The following LIMK1 variants were observed in gnomAD, a reference collection of about 807,000 sequenced individuals.
LIMK1 encodes LIM motif-containing protein kinase.
In LIMK1, 21 loss-of-function variants were observed where a neutral mutation model predicts 77.6. The observed-to-expected ratio is 0.27, with a 90% CI of 0.19 to 0.39. The LOEUF is 0.39. Among genes scored for constraint, LIMK1 ranks in the 10% least tolerant of loss-of-function variants. LIMK1 has a pLI of 1.00. For synonymous variants in LIMK1, 358 were observed against 370.0 expected (o/e 0.97, Z 0.37); for missense variants, 696 against 901.6 (o/e 0.77, Z 2.92).
chr7:74,101,546 C>G (rs1411135182), intron 5 of LIMK1, among the ~76,000 whole-genome samples: 4 of 152,244 alleles, frequency 2.6e-5, no homozygotes, highest in African/African-American at 9.6e-5. Context: ...ACGTCTCCTC[C>G]CTGTCTGCCT....
chr7:74,088,835 G>A (rs900835888), intron 2 of LIMK1, among the ~76,000 whole-genome samples: 8 of 151,320 alleles, frequency 5.3e-5, no homozygotes, highest in East Asian at 2.0e-4. Context: ...GAAGGGAGTC[G>A]GCAGAAAGCC....
intron 9 of LIMK1, 78 bp from the exon 10 acceptor site, chr7:74,108,827 G>T: frequency 1.1e-5 from 17 of 1,557,530 alleles, no homozygotes; most frequent in Non-Finnish European, 1.5e-5. Context: ...CCCCTGGTGG[G>T]ATGGAAAAGG....
intron 12 of LIMK1, among the ~76,000 whole-genome samples, chr7:74,114,111 G>A (rs1045307776): frequency 3.3e-5 from 5 of 152,110 alleles, no homozygotes; most frequent in East Asian, 3.9e-4. Flanking sequence ...TTAGCTGGGC[G>A]TGGTGGTGGG....
intron 7 of LIMK1, among the ~76,000 whole-genome samples, 181 bp from the exon 8 acceptor site, chr7:74,106,829 G>C (rs1426915173): frequency 6.6e-6 from 1 of 152,222 alleles, no homozygotes. Flanking sequence ...CTAGAGCCAG[G>C]ATAGGCCGAG....
chr7:74,107,001 G>A lies in LIMK1; in HGVS notation c.882-9G>A, dbSNP rs555461459. ...CCCGGTGGCACTTGGCACCATGTGT[G>A]CCCCCCAGGAGGAGCTGCAGCATCG... On this transcript the variant is annotated splice_polypyrimidine_tract_variant and intron_variant, in intron 7 of 15. Coordinates refer to ENST00000336180, the MANE Select transcript of LIMK1 (RefSeq NM_002314.4). 44 of 1,566,382 alleles carry A rather than the reference G, an allele frequency of 2.8e-5. No homozygotes were observed. In the South Asian group the frequency reaches 5.0e-4, roughly 18 times the overall value.
chr7:74,109,382 G>GC, intron 10 of LIMK1: 1 of 280,782 alleles, frequency 3.6e-6, no homozygotes, highest in South Asian at 3.8e-5. Context: ...AAAATTCAGA[G>GC]CTTTCCTTAA....
intron 2 of LIMK1, among the ~76,000 whole-genome samples, chr7:74,096,414 T>C (rs1374093478): frequency 6.6e-6 from 1 of 151,912 alleles, no homozygotes; most frequent in Non-Finnish European, 1.5e-5. Context: ...GGCAGGAGGA[T>C]CACTTGAACC....
At chr7:74,100,505 C>T (rs2115678277) in intron 5 of LIMK1, among the ~76,000 whole-genome samples, 1 of 152,156 alleles carries the variant, frequency 6.6e-6, no homozygotes. Flanking sequence ...TCACTGCAAC[C>T]TCCACCCACA....
chr7:74,093,054 C>A, intron 2 of LIMK1: 1 of 1,246,746 alleles, frequency 8.0e-7, no homozygotes, highest in Non-Finnish European at 1.1e-6. Context: ...GGTGCTTCAG[C>A]CACTTCCTGT....
At chr7:74,100,980 G>A (rs889132984) in intron 5 of LIMK1, among the ~76,000 whole-genome samples, 3 of 146,748 alleles carry the variant, frequency 2.0e-5, no homozygotes, top group Non-Finnish European at 4.5e-5. Context: ...CTCGTGATCC[G>A]CCCGTCTCGG....
At chr7:74,103,429 C>A (rs551757702) in intron 5 of LIMK1, among the ~76,000 whole-genome samples, 35 of 152,188 alleles carry the variant, frequency 2.3e-4, no homozygotes, top group African/African-American at 8.2e-4. Flanking sequence ...CTTAGGGAGA[C>A]AGGCTCTGCA....
intron 13 of LIMK1, among the ~76,000 whole-genome samples, chr7:74,119,485 C>T (rs1047679880): frequency 2.0e-5 from 3 of 151,346 alleles, no homozygotes; most frequent in African/African-American, 4.9e-5. Context: ...GGCCATGTAC[C>T]GATTATTTTT....
At chr7:74,108,075 G>C in intron 9 of LIMK1, 118 bp downstream of exon 9, 1 of 738,424 alleles carries the variant, frequency 1.4e-6, no homozygotes, top group Middle Eastern at 3.3e-4. Flanking sequence ...GAGCAGGCCA[G>C]GCATAGTGGC....
chr7:74,091,879 G>A (rs982785709), intron 2 of LIMK1, among the ~76,000 whole-genome samples: 2 of 152,004 alleles, frequency 1.3e-5, no homozygotes, highest in African/African-American at 2.4e-5. Context: ...CAAAGCCAGC[G>A]TGCGGGAGTG....
intron 7 of LIMK1, among the ~76,000 whole-genome samples, chr7:74,106,750 ACT>A (rs1386094759): frequency 6.6e-6 from 1 of 151,874 alleles, no homozygotes; most frequent in Admixed American, 6.6e-5. Context: ...ACAGTGTGAG[ACT>A]CTGTCTCAAA....
At chr7:74,085,904 C>G in intron 2 of LIMK1, 60 bp downstream of exon 2, 1 of 1,335,364 alleles carries the variant, frequency 7.5e-7, no homozygotes, top group Non-Finnish European at 1.0e-6. Flanking sequence ...AGAGGACAGG[C>G]TGGTCAAGGA....
At chr7:74,108,428 T>G (rs1799626729) in intron 9 of LIMK1, among the ~76,000 whole-genome samples, 5 of 152,000 alleles carry the variant, frequency 3.3e-5, no homozygotes, top group Admixed American at 3.3e-4. Context: ...GCGGATCACC[T>G]GAGGTCAGGA....
intron 4 of LIMK1, among the ~76,000 whole-genome samples, chr7:74,098,225 T>A (rs568813516): frequency 2.0e-5 from 3 of 152,312 alleles, no homozygotes; most frequent in African/African-American, 7.2e-5. Flanking sequence ...CTGAGTCATC[T>A]CATTAGTATC....
intron 2 of LIMK1, among the ~76,000 whole-genome samples, chr7:74,088,925 G>C (rs1438458714): frequency 1.3e-5 from 2 of 152,192 alleles, no homozygotes; most frequent in African/African-American, 2.4e-5. Context: ...GGAAGGGACT[G>C]TCCCAGTAAC....
Sources: allele counts gnomAD v4.1 joint callset (sites outside exome capture counted in the v4.1 genomes callset), GRCh38; gene constraint gnomAD v4.1.1; transcripts MANE v1.5; gene names NCBI Gene and HGNC (gene_info 2026-07-23, HGNC 2026-07-21).